Variants in MYT1L observed in about 807,000 individuals in gnomAD.
MYT1L encodes myelin transcription factor 1-like protein.
MYT1L carries 12 observed loss-of-function variants against 126.7 expected under a neutral mutation model. That is an observed-to-expected ratio of 0.09 (90% CI 0.06 to 0.15). MYT1L has a LOEUF of 0.15. Ranked by LOEUF, MYT1L falls within the 10% of genes least tolerant of loss-of-function variation. MYT1L has a pLI of 1.00. For synonymous variants in MYT1L, 541 were observed against 604.2 expected (o/e 0.90, Z 1.53); for missense variants, 979 against 1,585.2 (o/e 0.62, Z 6.49).
At chr2:2,190,929 G>A (rs2092557371) in intron 2 of MYT1L, among the ~76,000 whole-genome samples, 2 of 152,268 alleles carry the variant, frequency 1.3e-5, no homozygotes, top group African/African-American at 2.4e-5. Flanking sequence ...GGGATTACAG[G>A]CATGCACCAC....
intron 2 of MYT1L, among the ~76,000 whole-genome samples, chr2:2,257,929 C>T (rs1249286212): frequency 7.4e-6 from 1 of 135,822 alleles, no homozygotes; most frequent in African/African-American, 3.0e-5. Context: ...GAGCCCGCAT[C>T]GCCAAGTCAA....
chr2:2,012,981 T>C (rs1299244462), intron 4 of MYT1L, among the ~76,000 whole-genome samples: 1 of 152,182 alleles, frequency 6.6e-6, no homozygotes, highest in African/African-American at 2.4e-5. Context: ...CAAATATGTG[T>C]GTATGTGAAA....
chr2:1,880,983 GCCC>G, intron 18 of MYT1L, among the ~76,000 whole-genome samples: 1 of 152,286 alleles, frequency 6.6e-6, no homozygotes, highest in South Asian at 2.1e-4. Flanking sequence ...GTTTCATCAA[GCCC>G]TTTAAAAAGC....
intron 14 of MYT1L, among the ~76,000 whole-genome samples, chr2:1,901,252 C>T (rs2050300549): frequency 6.6e-6 from 1 of 152,104 alleles, no homozygotes; most frequent in South Asian, 2.1e-4. Flanking sequence ...GAAATCAGCC[C>T]ACACGGAACA....
chr2:2,074,679 T>C (rs1005963729), intron 3 of MYT1L, among the ~76,000 whole-genome samples: 5 of 152,126 alleles, frequency 3.3e-5, no homozygotes, highest in Admixed American at 6.5e-5. Context: ...TGAGCTAAAA[T>C]GACCATGAGA....
At chr2:1,987,623 G>A (rs914005443) in intron 5 of MYT1L, among the ~76,000 whole-genome samples, 1 of 152,204 alleles carries the variant, frequency 6.6e-6, no homozygotes, top group Admixed American at 6.5e-5. Context: ...TTCTGAAGCT[G>A]GACCTAGCAA....
intron 4 of MYT1L, among the ~76,000 whole-genome samples, chr2:2,051,389 ATCTCT>A (rs1240007590): frequency 1.3e-5 from 2 of 152,020 alleles, no homozygotes; most frequent in Non-Finnish European, 2.9e-5. Flanking sequence ...CCTAGTTAAG[ATCTCT>A]TCTGGGTCCT....
At chr2:2,304,979 T>C (rs899727672) in intron 1 of MYT1L, among the ~76,000 whole-genome samples, 1 of 152,260 alleles carries the variant, frequency 6.6e-6, no homozygotes, top group Admixed American at 6.5e-5. Flanking sequence ...TACTTAGATT[T>C]GAAGTTTGCA....
rs771560237 is a variant in MYT1L at position 2,226,475 on chromosome 2, G to T, written c.-420-53487C>A. ...CGTGGACACCGCTCTCCTGGATCCC[G>T]TCCACCCTGGGGATGTGCTGTCCCA... On this transcript the variant is annotated intron_variant, in intron 2 of 24. Transcript: ENST00000647738. 2.6e-5 allele frequency among the ~76,000 whole-genome samples: 4 copies of T among 151,878 alleles called. No homozygotes were observed. The East Asian group carries it at 7.8e-4, about 30-fold the overall frequency.
intron 23 of MYT1L, among the ~76,000 whole-genome samples, chr2:1,794,858 T>C (rs753179764): frequency 6.6e-6 from 1 of 152,196 alleles, no homozygotes; most frequent in Admixed American, 6.5e-5. Context: ...GAACAAAATA[T>C]GCAGTTTGAA....
intron 2 of MYT1L, among the ~76,000 whole-genome samples, chr2:2,192,315 G>A (rs1261438033): frequency 6.6e-6 from 1 of 152,192 alleles, no homozygotes; most frequent in African/African-American, 2.4e-5. Flanking sequence ...GTAAGGGACA[G>A]TAAGGTAACA....
intron 3 of MYT1L, among the ~76,000 whole-genome samples, chr2:2,109,278 G>A (rs1159484946): frequency 6.6e-6 from 1 of 152,196 alleles, no homozygotes; most frequent in Non-Finnish European, 1.5e-5. Context: ...TGTGTCCCAG[G>A]AGTAGCAGGA....
At chr2:2,268,955 A>C (rs977710634) in intron 2 of MYT1L, among the ~76,000 whole-genome samples, 5 of 152,204 alleles carry the variant, frequency 3.3e-5, no homozygotes, top group African/African-American at 1.2e-4. Flanking sequence ...GTTTTAGTGC[A>C]CACCTGAGCA....
intron 4 of MYT1L, among the ~76,000 whole-genome samples, chr2:2,044,048 T>G (rs2067867094): frequency 1.3e-5 from 2 of 152,170 alleles, no homozygotes; most frequent in South Asian, 4.2e-4. Context: ...TTTAACTGAT[T>G]AAAGTATTAG....
At chr2:2,281,399 G>T (rs983932603) in intron 2 of MYT1L, among the ~76,000 whole-genome samples, 5 of 152,196 alleles carry the variant, frequency 3.3e-5, no homozygotes, top group Admixed American at 2.0e-4. Flanking sequence ...TAGTAATAGT[G>T]TGGGGCAAAT....
chr2:1,927,148 G>A (rs1323627930), intron 9 of MYT1L, among the ~76,000 whole-genome samples: 6 of 152,120 alleles, frequency 3.9e-5, no homozygotes, highest in African/African-American at 1.2e-4. Context: ...GCACTGGCAC[G>A]GAAATCAGAG....
chr2:1,996,049 A>G (rs1003001054), intron 5 of MYT1L, among the ~76,000 whole-genome samples: 3 of 152,210 alleles, frequency 2.0e-5, no homozygotes. Context: ...CAGGATGGAA[A>G]GTGGAAGAGG....
chr2:2,317,775 CA>C (rs1559657569), intron 1 of MYT1L, among the ~76,000 whole-genome samples: 1 of 152,090 alleles, frequency 6.6e-6, no homozygotes, highest in East Asian at 1.9e-4. Context: ...CCAAACCAGG[CA>C]GAGTAAAGTC....
chr2:2,248,805 T>G (rs984716856), intron 2 of MYT1L, among the ~76,000 whole-genome samples: 2 of 152,156 alleles, frequency 1.3e-5, no homozygotes. Context: ...TGAAAAAGCA[T>G]GTGATAAAGT....
Sources: gnomAD v4.1 joint callset for allele counts (sites outside exome capture counted in the v4.1 genomes callset) on GRCh38, gnomAD v4.1.1 for gene constraint, MANE v1.5 for transcripts, NCBI Gene and HGNC (gene_info 2026-07-23, HGNC 2026-07-21) for gene names.